ATP2B4: variants seen among roughly 807,000 people sequenced by gnomAD.
ATP2B4 encodes the protein ATPase plasma membrane Ca2+ transporting 4.
Under a neutral mutation model 110.3 loss-of-function variants are expected in ATP2B4, and 39 were observed. That is an observed-to-expected ratio of 0.35 (90% CI 0.27 to 0.46). The LOEUF (loss-of-function observed/expected upper bound fraction) is 0.46, where lower values mean the gene tolerates loss of function less well. Ranked by LOEUF, ATP2B4 falls within the 20% of genes least tolerant of loss-of-function variation. The pLI is 1.00. For synonymous variants in ATP2B4, 538 were observed against 571.7 expected, an observed-to-expected ratio of 0.94 and a Z score of 0.84; for missense variants, 1,135 against 1,530.9, an observed-to-expected ratio of 0.74 and a Z score of 4.32.
At chr1:203,640,880 A>G (rs1321309107) in intron 1 of ATP2B4, among the ~76,000 whole-genome samples, 1 of 152,220 alleles carries the variant, frequency 6.6e-6, no homozygotes, top group African/African-American at 2.4e-5. Context: ...TGACAAGAAC[A>G]TGGGAAGTTT....
Position 203,727,476 on chromosome 1 carries a change from G to A in ATP2B4, c.3214G>A (p.Asp1072Asn), listed in dbSNP as rs1293413686. The change falls in exon 20 of 21, where the codon GAT becomes AAT. Residue 1072 changes from aspartate to asparagine, a missense_variant. Coordinates refer to ENST00000357681, the MANE Select transcript of ATP2B4 (RefSeq NM_001684.5). ...HGTTKEEITK[D>N]AEGLDEIDHA... ...CACCACCAAAGAGGAGATCACCAAG[G>A]ATGCCGAGGGACTGGATGAGATTGA... 3.7e-6 allele frequency: 6 copies of A among 1,614,228 alleles called. No individual in the cohort carries two copies. Among genetic ancestry groups the A allele is most frequent in the Non-Finnish European group, 3.4e-6 (4 of 1,180,032 alleles).
intron 1 of ATP2B4, among the ~76,000 whole-genome samples, chr1:203,670,750 T>C (rs1458047859): frequency 6.6e-6 from 1 of 152,242 alleles, no homozygotes. Flanking sequence ...TTCTGATTTC[T>C]CCAACAAGAG....
chr1:203,655,956 G>A (rs1266204623), intron 1 of ATP2B4, among the ~76,000 whole-genome samples: 1 of 152,100 alleles, frequency 6.6e-6, no homozygotes, highest in Non-Finnish European at 1.5e-5. Context: ...CCAGGCTGGA[G>A]TGCAACGGTG....
At chr1:203,739,525 C>A (rs779469791) in intron 20 of ATP2B4, 21 bp from the exon 21 acceptor site, 1 of 1,597,462 alleles carries the variant, frequency 6.3e-7, no homozygotes, top group Non-Finnish European at 8.5e-7. Context: ...TCTCATCCTC[C>A]TTTTCCTTCC....
chr1:203,732,829 A>AG (rs1439359287), intron 20 of ATP2B4, among the ~76,000 whole-genome samples: 1 of 151,784 alleles, frequency 6.6e-6, no homozygotes, highest in African/African-American at 2.4e-5. Context: ...AAAAAAAAAA[A>AG]GTACAGGTAA....
Position 203,713,333 on chromosome 1 carries a change from C to T in ATP2B4, c.2299+81C>T, listed in dbSNP as rs1356881247. 5 of 1,511,728 alleles carry T rather than the reference C, an allele frequency of 3.3e-6. 1 individual carries two copies. The highest frequency in any genetic ancestry group is 1.7e-4 in the Middle Eastern group (1 of 5,780). 93.6% of individuals were successfully genotyped at this position (1,511,728 alleles called of 1,614,324 possible). A position where few individuals can be genotyped will look rare whatever the true frequency, so the allele number is the denominator to read the frequency against. ...GACAGATAAGAACCACCAGCCAAAGCCACTCTCCTGTCCAAATAGGGAGGT... is the reference window on the plus strand; with the variant it reads ...GACAGATAAGAACCACCAGCCAAAGTCACTCTCCTGTCCAAATAGGGAGGT... On this transcript the variant is annotated intron_variant, in intron 14 of 20. Coordinates refer to ENST00000357681, the MANE Select transcript of ATP2B4 (RefSeq NM_001684.5).
At chr1:203,664,054 G>A (rs909094211) in intron 1 of ATP2B4, among the ~76,000 whole-genome samples, 3 of 152,234 alleles carry the variant, frequency 2.0e-5, no homozygotes, top group African/African-American at 7.2e-5. Context: ...GATATTGTCA[G>A]TCCTGTCTAT....
chr1:203,637,527 G>A (rs978626367), intron 1 of ATP2B4, among the ~76,000 whole-genome samples: 1 of 152,094 alleles, frequency 6.6e-6, no homozygotes, highest in Non-Finnish European at 1.5e-5. Context: ...TTCGACACTG[G>A]AATAATGTCA....
rs747648595 is a variant in ATP2B4 at position 203,713,145 on chromosome 1, G to T, written c.2212-20G>T. On this transcript the variant is annotated intron_variant, in intron 13 of 20. Transcript: ENST00000357681. ...GCTTTTCTGCATTTGACTGATCCAGGTGTGGTCTGGTGTTGGCAGGTAGAG... is the reference window on the plus strand; with the variant it reads ...GCTTTTCTGCATTTGACTGATCCAGTTGTGGTCTGGTGTTGGCAGGTAGAG... 6.2e-7 allele frequency: 1 copy of T among 1,614,012 alleles called. No homozygotes were observed.
At chr1:203,631,582 C>T (rs958150902) in intron 1 of ATP2B4, among the ~76,000 whole-genome samples, 2 of 152,038 alleles carry the variant, frequency 1.3e-5, no homozygotes, top group Non-Finnish European at 2.9e-5. Context: ...AGTAGTATAC[C>T]CTCAATACTA....
At chr1:203,738,098 C>A (rs748193596) in intron 20 of ATP2B4, among the ~76,000 whole-genome samples, 1 of 151,942 alleles carries the variant, frequency 6.6e-6, no homozygotes, top group Non-Finnish European at 1.5e-5. Flanking sequence ...GGTACCCTAC[C>A]CCCACCTTCA....
intron 2 of ATP2B4, among the ~76,000 whole-genome samples, chr1:203,686,347 C>T (rs907596934): frequency 6.6e-6 from 1 of 152,200 alleles, no homozygotes; most frequent in Non-Finnish European, 1.5e-5. Flanking sequence ...CTAGAGAACT[C>T]CTGACAGCAG....
intron 1 of ATP2B4, among the ~76,000 whole-genome samples, chr1:203,650,081 A>G (rs1466925684): frequency 2.6e-5 from 4 of 152,182 alleles, no homozygotes; most frequent in Non-Finnish European, 5.9e-5. Context: ...GCTTTCACGC[A>G]CACATCCCAG....
At chr1:203,673,947 C>G (rs1233448931) in intron 1 of ATP2B4, among the ~76,000 whole-genome samples, 2 of 152,146 alleles carry the variant, frequency 1.3e-5, no homozygotes, top group African/African-American at 4.8e-5. Context: ...CTAAAAATAA[C>G]CTAGGATCCG....
chr1:203,664,909 G>T (rs1215700506), intron 1 of ATP2B4, among the ~76,000 whole-genome samples: 1 of 152,108 alleles, frequency 6.6e-6, no homozygotes, highest in African/African-American at 2.4e-5. Context: ...TTGGCTCACT[G>T]CAAGCTCCGC....
At chr1:203,683,659 T>C (rs1273389330) in intron 2 of ATP2B4, among the ~76,000 whole-genome samples, 2 of 143,400 alleles carry the variant, frequency 1.4e-5, no homozygotes, top group Non-Finnish European at 3.0e-5. Context: ...TTCTTCTTCT[T>C]TTGTTTCTTT....
chr1:203,689,475 AAATT>A (rs1388427961), intron 2 of ATP2B4, among the ~76,000 whole-genome samples: 1 of 152,236 alleles, frequency 6.6e-6, no homozygotes, highest in Non-Finnish European at 1.5e-5. Flanking sequence ...AATAAACAGC[AAATT>A]ATTAACTGTA....
Position 203,741,249 on chromosome 1 carries a change from C to T in ATP2B4, c.*1395C>T, listed in dbSNP as rs563071239. ...AGAAAAAGACCCCCCGCACCCGGCA[C>T]ACTCCCCCTTCCTCCAGCCCCGCTT... is the stretch of plus-strand genomic sequence containing the variant. On this transcript the variant is annotated 3_prime_UTR_variant, in exon 21 of 21. Transcript: ENST00000357681. 3 of 152,774 alleles carry T rather than the reference C, an allele frequency of 2.0e-5. No individual in the cohort carries two copies. The highest frequency in any genetic ancestry group is 6.5e-5 in the Admixed American group (1 of 15,278). The allele number at this position is 152,774 out of a possible 1,614,324, so 9.5% of individuals were successfully genotyped here.
At chr1:203,723,457 T>TCTCCCTCC (rs1553251106) in intron 18 of ATP2B4, among the ~76,000 whole-genome samples, 4,376 of 113,452 alleles carry the variant, frequency 0.039, 298 homozygotes, top group African/African-American at 0.08. Context: ...TCTCTCTCTC[T>TCTCCCTCC]CTCCCTCTGC....
Sources: allele counts gnomAD v4.1 joint callset (sites outside exome capture counted in the v4.1 genomes callset), GRCh38; gene constraint gnomAD v4.1.1; transcripts MANE v1.5; gene names NCBI Gene and HGNC (gene_info 2026-07-23, HGNC 2026-07-21).